PRKN: variants seen among roughly 807,000 people sequenced by gnomAD.
PRKN encodes the protein parkin RBR E3 ubiquitin protein ligase.
Under a neutral mutation model 59.5 loss-of-function variants are expected in PRKN, and 56 were observed. The observed-to-expected ratio is 0.94, with a 90% CI of 0.76 to 1.18. The LOEUF is 1.18. Among genes scored for constraint, PRKN ranks in the 50% most tolerant of loss-of-function variants. PRKN has a pLI of 0.00. For synonymous variants in PRKN, 250 were observed against 222.1 expected (o/e 1.13, Z -1.12); for missense variants, 657 against 596.4 (o/e 1.10, Z -1.06).
intron 9 of PRKN, among the ~76,000 whole-genome samples, chr6:161,490,386 CTTTTT>C (rs34217261): frequency 8.9e-6 from 1 of 112,322 alleles, no homozygotes; most frequent in Non-Finnish European, 1.7e-5. Flanking sequence ...TCTTTCTTTC[CTTTTT>C]TTTTTTTTTT....
At position 161,487,227 on chromosome 6, in the gene PRKN, G is replaced by A. The variant is rs762134705; in HGVS notation, c.1083+61627C>T. Among the ~76,000 whole-genome samples, 25 of 152,180 alleles carry A rather than the reference G, an allele frequency of 1.6e-4. No individual in the cohort carries two copies. Among genetic ancestry groups the A allele is most frequent in the Admixed American group, 1.1e-3 (17 of 15,278 alleles). On this transcript the variant is annotated intron_variant, in intron 9 of 11. Coordinates refer to ENST00000366898, the MANE Select transcript of PRKN (RefSeq NM_004562.3). The surrounding 1 kb of genome is among the most constrained non-coding windows in gnomAD (Gnocchi z 5.3). ...GTCCTATCCCTCAACCCTTTTTACA[G>A]GAGAAGACATTGAGGCATAGACCCA...
chr6:161,961,539 TCCCTGTTCTACCACG>T (rs1437896975), intron 6 of PRKN, among the ~76,000 whole-genome samples: 1 of 152,106 alleles, frequency 6.6e-6, no homozygotes, highest in Non-Finnish European at 1.5e-5. Context: ...AAAGTTTGGG[TCCCTGTTCTACCACG>T]ATACAGTGAA....
rs766949960 is a variant in PRKN, at chr6:161,352,755, G to GTGTATA, written c.1286-2545_1286-2544insTATACA. Among the ~76,000 whole-genome samples the GTGTATA allele has an allele frequency of 0.074, 9,936 of 134,208 alleles. 416 individuals are homozygous for GTGTATA. The highest frequency in any genetic ancestry group is 0.12 in the Middle Eastern group (32 of 256). 88.0% of individuals were successfully genotyped at this position (134,208 alleles called of 152,430 possible). ...TGTGTGTGTGTGTGTGTGTGTGTGT[G>GTGTATA]TATATATATATATATATTTTATTTT... is the stretch of plus-strand genomic sequence containing the variant. On this transcript the variant is annotated intron_variant, in intron 11 of 11. Transcript: ENST00000366898. This position sits in a 1 kb window ranked among gnomAD's most constrained non-coding sequence, Gnocchi z 5.8.
At chr6:162,204,247 G>T (rs1583193906) in intron 3 of PRKN, among the ~76,000 whole-genome samples, 1 of 152,102 alleles carries the variant, frequency 6.6e-6, no homozygotes, top group African/African-American at 2.4e-5. Flanking sequence ...GCTAATAAAA[G>T]ATGACAATAA....
At chr6:162,107,779 C>T (rs1396780074) in intron 4 of PRKN, among the ~76,000 whole-genome samples, 1 of 152,172 alleles carries the variant, frequency 6.6e-6, no homozygotes. Context: ...TCTACCAGGG[C>T]AGGCAAACCC....
At chr6:161,613,352 T>C (rs2128147640) in intron 7 of PRKN, among the ~76,000 whole-genome samples, 1 of 150,886 alleles carries the variant, frequency 6.6e-6, no homozygotes, top group East Asian at 2.1e-4. Context: ...AGTTGCTTCT[T>C]ATGGATGCGC....
chr6:161,754,623 G>T (rs566028296), intron 7 of PRKN, among the ~76,000 whole-genome samples: 2 of 152,120 alleles, frequency 1.3e-5, no homozygotes, highest in Non-Finnish European at 2.9e-5. Flanking sequence ...CCATGGTCAG[G>T]TCACAGGCCC....
intron 9 of PRKN, among the ~76,000 whole-genome samples, chr6:161,492,167 T>G (rs1481138461): frequency 6.6e-6 from 1 of 152,218 alleles, no homozygotes; most frequent in African/African-American, 2.4e-5. Context: ...TCAATGTTAA[T>G]TATTATAATG....
chr6:162,699,325 A>G (rs1401362344), intron 1 of PRKN, among the ~76,000 whole-genome samples: 2 of 152,212 alleles, frequency 1.3e-5, no homozygotes, highest in Non-Finnish European at 2.9e-5. Context: ...TCAAATGCTG[A>G]AATATGGGGA....
chr6:162,532,205 A>C (rs978619727), intron 1 of PRKN, among the ~76,000 whole-genome samples: 3 of 67,304 alleles, frequency 4.5e-5, no homozygotes, highest in Non-Finnish European at 1.6e-4. Context: ...TAGACTCCCA[A>C]GAGCTGCTTT....
At chr6:162,457,056 C>A (rs1398027735) in intron 1 of PRKN, among the ~76,000 whole-genome samples, 1 of 152,170 alleles carries the variant, frequency 6.6e-6, no homozygotes, top group Admixed American at 6.5e-5. Flanking sequence ...AACACTCAAC[C>A]TCAACTGAGA....
rs1778521580 is a variant in PRKN, at chr6:161,514,719, C to T, written c.1083+34135G>A. Among the ~76,000 whole-genome samples, 3 of 152,084 alleles carry T rather than the reference C, an allele frequency of 2.0e-5. No homozygotes were observed. The South Asian group carries it at 6.2e-4, about 32-fold the overall frequency. ...GAGACTAGGTCCAGGGAAAGGGGAC[C>T]CAGTGACTAGGGGCTGAAAGAAAAC... On this transcript the variant is annotated intron_variant, in intron 9 of 11. Coordinates refer to ENST00000366898, the MANE Select transcript of PRKN (RefSeq NM_004562.3).
chr6:162,291,235 A>G (rs1781415475), intron 2 of PRKN, among the ~76,000 whole-genome samples: 1 of 152,138 alleles, frequency 6.6e-6, no homozygotes, highest in Admixed American at 6.6e-5. Flanking sequence ...AGCTGGTCAT[A>G]ATTAAGCTTC....
Position 161,356,611 on chromosome 6 carries a change from C to T in PRKN, c.1285+3477G>A, listed in dbSNP as rs190645036. On this transcript the variant is annotated intron_variant, in intron 11 of 11. Transcript: ENST00000366898. This position sits in a 1 kb window ranked among gnomAD's most constrained non-coding sequence, Gnocchi z 7.8. Reference sequence around the variant, plus strand: ...GGTGGGCAGACGCTGGATCAGAGCACGGGGAAGGCCGTGGTGACCGGGGAT... The same window carrying T: ...GGTGGGCAGACGCTGGATCAGAGCATGGGGAAGGCCGTGGTGACCGGGGAT... 2.0e-3 allele frequency among the ~76,000 whole-genome samples: 297 copies of T among 152,132 alleles called. 2 individuals are homozygous for T. Among genetic ancestry groups the T allele is most frequent in the African/African-American group, 6.7e-3 (280 of 41,506 alleles).
At chr6:162,341,451 T>G (rs1784174777) in intron 2 of PRKN, among the ~76,000 whole-genome samples, 1 of 152,162 alleles carries the variant, frequency 6.6e-6, no homozygotes. Context: ...TAAAGACACA[T>G]GCACATGTAT....
intron 7 of PRKN, among the ~76,000 whole-genome samples, chr6:161,703,837 CTCTTTTTTTTTTTTTTTTTTT>C (rs1469260118): frequency 1.1e-4 from 12 of 104,804 alleles, no homozygotes; most frequent in African/African-American, 5.8e-4. Context: ...CTCTCTCTCT[CTCTTTTTTTTTTTTTTTTTTT>C]TTTTTTTTTT....
chr6:161,395,912 G>C lies in PRKN; in HGVS notation c.1084-9035C>G, dbSNP rs1028194269. On this transcript the variant is annotated intron_variant, in intron 9 of 11. Transcript: ENST00000366898. This position sits in a 1 kb window ranked among gnomAD's most constrained non-coding sequence, Gnocchi z 5.0. ...ACTTGTAATGAATTTAAGCTCAGCGGCTTTAAACACAGACAGCCAACAAAT... is the reference window on the plus strand; with the variant it reads ...ACTTGTAATGAATTTAAGCTCAGCGCCTTTAAACACAGACAGCCAACAAAT... Among the ~76,000 whole-genome samples the C allele has an allele frequency of 2.0e-5, 3 of 152,172 alleles. No individual in the cohort carries two copies. The highest frequency in any genetic ancestry group is 1.5e-5 in the Non-Finnish European group (1 of 68,012).
intron 4 of PRKN, among the ~76,000 whole-genome samples, chr6:162,170,045 ATTTTCGTGT>A (rs1691411731): frequency 2.0e-5 from 3 of 151,952 alleles, no homozygotes; most frequent in Non-Finnish European, 4.4e-5. Context: ...ACCACTATAC[ATTTTCGTGT>A]GAGCTTTCAT....
At chr6:161,955,487 C>T (rs954470789) in intron 6 of PRKN, among the ~76,000 whole-genome samples, 2 of 152,090 alleles carry the variant, frequency 1.3e-5, no homozygotes, top group Non-Finnish European at 2.9e-5. Context: ...CATAATTGGC[C>T]TTAAAAACAT....
Sources: allele counts gnomAD v4.1 joint callset (sites outside exome capture counted in the v4.1 genomes callset), GRCh38; gene constraint gnomAD v4.1.1; non-coding constraint Gnocchi (gnomAD v3.1); transcripts MANE v1.5; gene names NCBI Gene and HGNC (gene_info 2026-07-23, HGNC 2026-07-21).